VAV2: variants seen among roughly 807,000 people sequenced by gnomAD.
VAV2 encodes the protein vav guanine nucleotide exchange factor 2, also known as guanine nucleotide exchange factor VAV2.
Under a neutral mutation model 132.5 loss-of-function variants are expected in VAV2, and 67 were observed. That is an observed-to-expected ratio of 0.51 (90% CI 0.42 to 0.62). The LOEUF is 0.62. Ranked by LOEUF, VAV2 falls within the 20% of genes least tolerant of loss-of-function variation. The pLI, the probability that VAV2 is intolerant of heterozygous loss-of-function variation, is 0.00. For synonymous variants in VAV2, 492 were observed against 443.5 expected, an observed-to-expected ratio of 1.11 and a Z score of -1.37; for missense variants, 938 against 1,153.6, an observed-to-expected ratio of 0.81 and a Z score of 2.71.
At chr9:133,836,975 C>T (rs1379728158) in intron 3 of VAV2, among the ~76,000 whole-genome samples, 1 of 152,222 alleles carries the variant, frequency 6.6e-6, no homozygotes, top group Non-Finnish European at 1.5e-5. Context: ...CAGAACCCAC[C>T]TGCCCTGCCA....
chr9:133,854,024 A>G (rs542798069), intron 3 of VAV2, among the ~76,000 whole-genome samples: 18 of 152,106 alleles, frequency 1.2e-4, no homozygotes, highest in African/African-American at 4.3e-4. Context: ...ACACGTGTGC[A>G]CACACACACA....
At chr9:133,898,988 A>T (rs1437781735) in intron 2 of VAV2, among the ~76,000 whole-genome samples, 4 of 151,580 alleles carry the variant, frequency 2.6e-5, no homozygotes, top group African/African-American at 7.3e-5. Context: ...CGCCCGGCTA[A>T]TTTTTTGTAT....
At chr9:133,897,197 G>C (rs140061154) in intron 2 of VAV2, among the ~76,000 whole-genome samples, 1 of 152,156 alleles carries the variant, frequency 6.6e-6, no homozygotes, top group Non-Finnish European at 1.5e-5. Context: ...TGAAGGACGC[G>C]GGAAAATGAG....
chr9:133,792,678 ACCCCCCCC>A (rs199592841), intron 12 of VAV2, among the ~76,000 whole-genome samples: 67 of 118,746 alleles, frequency 5.6e-4, no homozygotes, highest in African/African-American at 2.1e-3. Flanking sequence ...CCCCCAAGGG[ACCCCCCCC>A]CCCACCCCCC....
rs1475697383 is a variant in VAV2, at chr9:133,820,591, C to T, written c.450-8375G>A. ...CCGCCCGCCTCGGCCTCCCAAAGTG[C>T]TGGGATTACAGGCGTGAGCCACCGC... On this transcript the variant is annotated intron_variant, in intron 4 of 29. Transcript: ENST00000371850. Among the ~76,000 whole-genome samples, 7 of 152,174 alleles carry T rather than the reference C, an allele frequency of 4.6e-5. 1 individual carries two copies. Among genetic ancestry groups the T allele is most frequent in the Admixed American group, 4.6e-4 (7 of 15,278 alleles).
intron 2 of VAV2, among the ~76,000 whole-genome samples, chr9:133,874,338 G>A (rs969659557): frequency 3.9e-5 from 6 of 152,214 alleles, no homozygotes; most frequent in African/African-American, 7.2e-5. Context: ...ATCACTCAGC[G>A]CTGCTGTGGC....
intron 2 of VAV2, among the ~76,000 whole-genome samples, chr9:133,900,339 C>T (rs1218376916): frequency 1.2e-4 from 19 of 152,228 alleles, no homozygotes; most frequent in Admixed American, 1.2e-3. Flanking sequence ...GCCCTCCTGT[C>T]ACTAGTTCCA....
chr9:133,784,166 C>T lies in VAV2; in HGVS notation c.1634+151G>A, dbSNP rs146804721. On this transcript the variant is annotated intron_variant, in intron 18 of 29. Coordinates refer to ENST00000371850, the MANE Select transcript of VAV2 (RefSeq NM_001134398.2). Reference sequence around the variant, plus strand: ...AAGTGCTGAGACTTGAGCCACCATGCCTGGCACGGGCCTGACTCTTGTGGG... The same window carrying T: ...AAGTGCTGAGACTTGAGCCACCATGTCTGGCACGGGCCTGACTCTTGTGGG... 2.1e-4 allele frequency: 170 copies of T among 814,324 alleles called. No homozygotes were observed. In the African/African-American group the frequency reaches 2.7e-3, roughly 13 times the overall value. 50.4% of individuals were successfully genotyped at this position (814,324 alleles called of 1,614,324 possible).
chr9:133,796,379 C>G, intron 11 of VAV2, 50 bp downstream of exon 11: 1 of 1,548,612 alleles, frequency 6.5e-7, no homozygotes, highest in Non-Finnish European at 8.8e-7. Flanking sequence ...CAGCCCTCAT[C>G]TGACTCCAGC....
intron 2 of VAV2, among the ~76,000 whole-genome samples, chr9:133,924,833 T>A (rs1840417304): frequency 6.6e-6 from 1 of 152,200 alleles, no homozygotes; most frequent in Non-Finnish European, 1.5e-5. Flanking sequence ...CACCAACAGG[T>A]GCATAGATGG....
chr9:133,899,803 C>T lies in VAV2; in HGVS notation c.322-38371G>A, dbSNP rs566567845. Among the ~76,000 whole-genome samples the T allele has an allele frequency of 2.5e-3, 380 of 150,046 alleles. 2 individuals are homozygous for T. The highest frequency in any genetic ancestry group is 8.9e-3 in the African/African-American group (367 of 41,310). ...TTGGGAGGCCGAGGCGGGTGGATCA[C>T]GAGGTCAGGAGGTCGAGACCATCCT... On this transcript the variant is annotated intron_variant, in intron 2 of 29. Coordinates refer to ENST00000371850, the MANE Select transcript of VAV2 (RefSeq NM_001134398.2).
rs1564342140 is a variant in VAV2 at position 133,783,876 on chromosome 9, C to CTTTTTTTTTTTT, written c.1635-286_1635-285insAAAAAAAAAAAA. ...TGAAACTCTAAGGGCTTGGCTGGGC[C>CTTTTTTTTTTTT]GTTTTTTTTTTTTTTTTTTTTGGAG... On this transcript the variant is annotated intron_variant, in intron 18 of 29. Coordinates refer to ENST00000371850, the MANE Select transcript of VAV2 (RefSeq NM_001134398.2). Among the ~76,000 whole-genome samples, 2 of 124,974 alleles carry CTTTTTTTTTTTT rather than the reference C, an allele frequency of 1.6e-5. 1 individual carries two copies. The allele number at this position is 124,974 out of a possible 152,430, so 82.0% of individuals were successfully genotyped here.
intron 29 of VAV2, among the ~76,000 whole-genome samples, chr9:133,767,562 G>A (rs1051355086): frequency 6.6e-6 from 1 of 152,210 alleles, no homozygotes; most frequent in African/African-American, 2.4e-5. Flanking sequence ...AGAACCAGTG[G>A]TCCCAGCCCC....
intron 1 of VAV2, among the ~76,000 whole-genome samples, chr9:133,988,216 A>G (rs1842914813): frequency 6.6e-6 from 1 of 152,076 alleles, no homozygotes; most frequent in South Asian, 2.1e-4. Context: ...CCAGCCAGGG[A>G]TCACAGGCAC....
At chr9:133,889,623 C>T (rs1838849941) in intron 2 of VAV2, among the ~76,000 whole-genome samples, 1 of 152,208 alleles carries the variant, frequency 6.6e-6, no homozygotes, top group African/African-American at 2.4e-5. Flanking sequence ...TGCAACTGCA[C>T]AAATACATTA....
intron 4 of VAV2, among the ~76,000 whole-genome samples, chr9:133,818,944 C>T (rs143044802): frequency 1.3e-5 from 2 of 152,146 alleles, no homozygotes; most frequent in African/African-American, 4.8e-5. Flanking sequence ...GGGGTTTCAC[C>T]ATATTGGCCA....
chr9:133,896,421 T>G (rs1251590541), intron 2 of VAV2, among the ~76,000 whole-genome samples: 4 of 152,188 alleles, frequency 2.6e-5, no homozygotes, highest in Non-Finnish European at 5.9e-5. Flanking sequence ...GCCATTGCAC[T>G]CCAGCCTGGG....
chr9:133,952,254 G>C (rs1302678378), intron 1 of VAV2, among the ~76,000 whole-genome samples: 3 of 152,134 alleles, frequency 2.0e-5, no homozygotes, highest in Non-Finnish European at 4.4e-5. Context: ...TCCAGACCCT[G>C]AGAAGCCTAT....
Position 133,990,559 on chromosome 9 carries a change from G to C in VAV2, c.204+1516C>G, listed in dbSNP as rs1412507697. On this transcript the variant is annotated intron_variant, in intron 1 of 29. Transcript: ENST00000371850. Reference sequence around the variant, plus strand: ...TGCCCTGCCTCTGCCCTGAGCCCCAGCCTGCAAGCAGCAGGGAATCCTGCC... The same window carrying C: ...TGCCCTGCCTCTGCCCTGAGCCCCACCCTGCAAGCAGCAGGGAATCCTGCC... Among the ~76,000 whole-genome samples, 3 of 152,184 alleles carry C rather than the reference G, an allele frequency of 2.0e-5. No individual in the cohort carries two copies. In the East Asian group the frequency reaches 5.8e-4, roughly 29 times the overall value.
Sources: gnomAD v4.1 joint callset for allele counts (sites outside exome capture counted in the v4.1 genomes callset) on GRCh38, gnomAD v4.1.1 for gene constraint, MANE v1.5 for transcripts, NCBI Gene and HGNC (gene_info 2026-07-23, HGNC 2026-07-21) for gene names.